MYOM2: variants seen among roughly 807,000 people sequenced by gnomAD.
MYOM2 encodes myomesin-2.
Under a neutral mutation model 187.6 loss-of-function variants are expected in MYOM2, and 254 were observed. The observed-to-expected ratio is 1.35, with a 90% CI of 1.22 to 1.50. The LOEUF is 1.50. Among genes scored for constraint, MYOM2 ranks in the 40% most tolerant of loss-of-function variants. The pLI is 0.00. For missense variants in MYOM2, 2,796 were observed against 1,924.0 expected (o/e 1.45, Z -8.48); for synonymous variants, 981 against 753.8 (o/e 1.30, Z -4.94).
chr8:2,140,686 ACCC>A, intron 32 of MYOM2, 34 bp from the exon 33 acceptor site: 1 of 1,603,684 alleles, frequency 6.2e-7, no homozygotes, highest in Admixed American at 1.7e-5. Flanking sequence ...TGACATGGAG[ACCC>A]TAACTCAGAT....
intron 7 of MYOM2, 33 bp downstream of exon 7, chr8:2,069,399 C>T: frequency 6.2e-7 from 1 of 1,613,894 alleles, no homozygotes; most frequent in South Asian, 1.1e-5. Flanking sequence ...CGGGGCACCT[C>T]CCGCCTCCTT....
rs560517224 is a variant in MYOM2 at position 2,069,340 on chromosome 8, C to T, written c.716C>T (p.Ser239Phe). 1 of 1,613,996 alleles carries T rather than the reference C, an allele frequency of 6.2e-7. No individual in the cohort carries two copies. The highest frequency in any genetic ancestry group is 2.2e-5 in the East Asian group (1 of 44,874). Residue 239 changes from serine to phenylalanine, a missense_variant, in exon 7 of 37, where the codon TCC becomes TTC. By Grantham distance (155) the Ser-to-Phe change is radical. Transcript: ENST00000262113. ...GCCACCAATGCCCACGGACAAGTGTCCACCAACGCGGCGGTGGTGGTGAGA... is the reference window on the plus strand; with the variant it reads ...GCCACCAATGCCCACGGACAAGTGTTCACCAACGCGGCGGTGGTGGTGAGA... Reference protein sequence around the residue: ...AVATNAHGQVSTNAAVVVRRF... With the variant: ...AVATNAHGQVFTNAAVVVRRF...
chr8:2,111,264 A>G (rs974313423), intron 25 of MYOM2, among the ~76,000 whole-genome samples: 1 of 152,202 alleles, frequency 6.6e-6, no homozygotes, highest in Non-Finnish European at 1.5e-5. Context: ...GATTGATGCT[A>G]TTTTGTGGAA....
chr8:2,138,253 C>T (rs1010955482), intron 32 of MYOM2, among the ~76,000 whole-genome samples: 2 of 152,212 alleles, frequency 1.3e-5, no homozygotes, highest in Non-Finnish European at 2.9e-5. Context: ...CACTCTCGGC[C>T]CGGCCGGCTC....
At chr8:2,092,670 T>A in intron 16 of MYOM2, 150 bp downstream of exon 16, 1 of 777,682 alleles carries the variant, frequency 1.3e-6, no homozygotes, top group Non-Finnish European at 1.9e-6. Flanking sequence ...TGTATAATTT[T>A]AAAGTTTGAC....
rs767568430 is a variant in MYOM2 at position 2,085,296 on chromosome 8, T to A, written c.1550T>A (p.Val517Glu). ...CAGGTTCCAGGGCCTCCCACCGGTG[T>A]GCACGCTTCCGAGATCAGCAGAAAC... ...DAQVPGPPTG[V>E]HASEISRNYV... The change falls in exon 14 of 37, where the codon GTG (valine) becomes GAG (glutamate). Residue 517 changes from valine (V) to glutamate (E), a missense_variant. By Grantham distance (121) the Val-to-Glu change is moderately radical. Transcript: ENST00000262113. 7 of 1,614,044 alleles carry A rather than the reference T, an allele frequency of 4.3e-6. No individual in the cohort carries two copies. The highest frequency in any genetic ancestry group is 5.9e-6 in the Non-Finnish European group (7 of 1,180,032).
At chr8:2,141,206 T>C (rs78240172) in intron 34 of MYOM2, 29 bp downstream of exon 34, 128,608 of 1,603,638 alleles carry the variant, frequency 0.08, 5,781 homozygotes, top group Middle Eastern at 0.13. Context: ...GTTACTATGA[T>C]ATCCTGTGGG....
intron 11 of MYOM2, among the ~76,000 whole-genome samples, chr8:2,078,136 C>T (rs1223132948): frequency 6.6e-6 from 1 of 152,186 alleles, no homozygotes; most frequent in South Asian, 2.1e-4. Flanking sequence ...TTAATCTTTC[C>T]TATATTTCCA....
At chr8:2,103,258 G>T (rs1440434982) in intron 21 of MYOM2, among the ~76,000 whole-genome samples, 1 of 110,958 alleles carries the variant, frequency 9.0e-6, no homozygotes, top group Non-Finnish European at 2.1e-5. Context: ...ATGAGTGAGA[G>T]AGTGTGCATG....
At chr8:2,058,384 G>A (rs780741178) in intron 5 of MYOM2, among the ~76,000 whole-genome samples, 5 of 152,096 alleles carry the variant, frequency 3.3e-5, no homozygotes, top group Admixed American at 6.5e-5. Context: ...GCAAGAGCAC[G>A]TGCATGATTG....
chr8:2,070,157 G>A (rs908199611), intron 8 of MYOM2, among the ~76,000 whole-genome samples: 1 of 152,226 alleles, frequency 6.6e-6, no homozygotes, highest in African/African-American at 2.4e-5. Context: ...GGAGGACGGG[G>A]ACATGATGGA....
chr8:2,062,674 G>A (rs185895912), intron 6 of MYOM2, among the ~76,000 whole-genome samples: 8 of 152,208 alleles, frequency 5.3e-5, no homozygotes, highest in East Asian at 1.9e-4. Context: ...ACCGTAGGCC[G>A]TCATGTCTAG....
chr8:2,050,360 C>G (rs866227742), intron 1 of MYOM2, among the ~76,000 whole-genome samples: 1 of 152,178 alleles, frequency 6.6e-6, no homozygotes, highest in African/African-American at 2.4e-5. Flanking sequence ...GCTCTTGGCT[C>G]TTATCGTATG....
Position 2,092,521 on chromosome 8 carries a change from G to A in MYOM2, c.2003+1G>A. ...ACCACAAGCCCATCGGATACAACAGGTGCGGCCTCCCTCCCCAGCCCTGGA... is the reference window on the plus strand; with the variant it reads ...ACCACAAGCCCATCGGATACAACAGATGCGGCCTCCCTCCCCAGCCCTGGA... On this transcript the variant is annotated splice_donor_variant, in intron 16 of 36. Transcript: ENST00000262113. LOFTEE classifies it high-confidence loss of function. The A allele has an allele frequency of 1.2e-6, 2 of 1,613,690 alleles. No homozygotes were observed. The highest frequency in any genetic ancestry group is 1.7e-6 in the Non-Finnish European group (2 of 1,179,856).
chr8:2,109,127 G>C (rs1563061474), intron 24 of MYOM2, among the ~76,000 whole-genome samples: 1 of 152,156 alleles, frequency 6.6e-6, no homozygotes, highest in Admixed American at 6.5e-5. Context: ...TTATTGAATT[G>C]CATTAAATAT....
At chr8:2,095,885 T>C (rs1411969058) in intron 17 of MYOM2, among the ~76,000 whole-genome samples, 1 of 152,164 alleles carries the variant, frequency 6.6e-6, no homozygotes, top group Non-Finnish European at 1.5e-5. Flanking sequence ...CTTATGGTTG[T>C]AAAAGTGAAA....
chr8:2,051,493 G>C (rs1018447884), intron 2 of MYOM2, among the ~76,000 whole-genome samples: 6 of 152,172 alleles, frequency 3.9e-5, no homozygotes, highest in Non-Finnish European at 7.4e-5. Flanking sequence ...GAGGGACCGC[G>C]GGCAGGCGTT....
At chr8:2,098,600 G>A (rs1000978006) in intron 18 of MYOM2, among the ~76,000 whole-genome samples, 2 of 152,148 alleles carry the variant, frequency 1.3e-5, no homozygotes, top group Non-Finnish European at 2.9e-5. Flanking sequence ...CCCTACCCCC[G>A]CAGGAGTGGG....
intron 1 of MYOM2, among the ~76,000 whole-genome samples, chr8:2,050,292 G>C (rs560091143): frequency 6.6e-5 from 10 of 152,212 alleles, no homozygotes; most frequent in African/African-American, 2.4e-4. Context: ...CCTGCCTCGT[G>C]GGCCACTCGG....
Sources: gnomAD v4.1 joint callset for allele counts (sites outside exome capture counted in the v4.1 genomes callset) on GRCh38, gnomAD v4.1.1 for gene constraint, MANE v1.5 for transcripts, NCBI Gene and HGNC (gene_info 2026-07-23, HGNC 2026-07-21) for gene names.